CCNB3: variants seen among roughly 807,000 people sequenced by gnomAD.
CCNB3 encodes G2/mitotic-specific cyclin-B3.
A neutral mutation model predicts 68.0 loss-of-function variants in CCNB3; 12 were observed. The ratio of observed to expected loss-of-function variants is 0.18; its 90% CI spans 0.11 to 0.29. The LOEUF (loss-of-function observed/expected upper bound fraction) is 0.29. Ranked by LOEUF, CCNB3 falls within the 10% of genes least tolerant of loss-of-function variation. The pLI, the probability that CCNB3 is intolerant of heterozygous loss-of-function variation, is 1.00. For synonymous variants in CCNB3, 354 were observed against 388.9 expected, an observed-to-expected ratio of 0.91 and a Z score of 1.06; for missense variants, 904 against 993.1, an observed-to-expected ratio of 0.91 and a Z score of 1.21.
Position 50,317,486 on chromosome X carries a change from A to C in CCNB3, c.3516+3538A>C, listed in dbSNP as rs192092312. Among the ~76,000 whole-genome samples the C allele has an allele frequency of 6.8e-3, 760 of 111,014 alleles. 18 individuals are homozygous for C. The highest frequency in any genetic ancestry group is 0.055 in the Admixed American group (567 of 10,367). On this transcript the variant is annotated intron_variant, in intron 8 of 12. Coordinates refer to ENST00000376042, the MANE Select transcript of CCNB3 (RefSeq NM_033031.3). ...TTCTAAGGACTCTTTGCCTAAACCT[A>C]GGTCAGGAATATTCTGTCTCTCTCT...
At position 50,350,617 on chromosome X, in the gene CCNB3, G is replaced by A. The variant is rs1569543746; in HGVS notation, c.3961-624G>A. Among the ~76,000 whole-genome samples the A allele has an allele frequency of 1.8e-5, 2 of 111,215 alleles. 1 individual carries two copies. The highest frequency in any genetic ancestry group is 1.9e-4 in the Admixed American group (2 of 10,437). ...GGCCATTAGCTCTGGACCTGAGAGT[G>A]AGCAAATTACAAAATCAGTCCCGTT... On this transcript the variant is annotated intron_variant, in intron 11 of 12. Coordinates refer to ENST00000376042, the MANE Select transcript of CCNB3 (RefSeq NM_033031.3).
chrX:50,286,498 C>T (rs1936237686), intron 3 of CCNB3, among the ~76,000 whole-genome samples: 1 of 110,547 alleles, frequency 9.0e-6, no homozygotes, highest in African/African-American at 3.3e-5. Context: ...CGGGGTTTCA[C>T]CATCTTGGCC....
chrX:50,311,183 A>G lies in CCNB3; in HGVS notation c.3014A>G (p.Glu1005Gly), dbSNP rs28676910. ...GTGGGCAAATCTGGTACCATCAATGAGGCATTCCTCTTCGAAGATATGATA... is the reference window on the plus strand; with the variant it reads ...GTGGGCAAATCTGGTACCATCAATGGGGCATTCCTCTTCGAAGATATGATA... ...TSVGKSGTIN[E>G]AFLFEDMITL... is the part of the protein sequence containing the mutation. The change falls in exon 6 of 13, where the codon GAG becomes GGG. Residue 1005 changes from glutamate to glycine, a missense_variant. Glu to Gly is a moderately conservative substitution (Grantham distance 98). Around this residue, in one of 2 missense-constraint regions of CCNB3, gnomAD observed 285 missense variants for 383.4 expected, o/e 0.74. Transcript: ENST00000376042. 8.3e-7 allele frequency: 1 copy of G among 1,208,368 alleles called. No homozygotes were observed.
At chrX:50,286,645 G>GTTGT (rs1218534550) in intron 3 of CCNB3, among the ~76,000 whole-genome samples, 5 of 86,773 alleles carry the variant, frequency 5.8e-5, no homozygotes, top group Non-Finnish European at 1.1e-4. Context: ...TGTTGTTGTT[G>GTTGT]TTGTTTGTTT....
chrX:50,297,903 G>A (rs1375018970), intron 5 of CCNB3, among the ~76,000 whole-genome samples: 1 of 111,408 alleles, frequency 9.0e-6, no homozygotes, highest in Non-Finnish European at 1.9e-5. Flanking sequence ...ATTGTGAATG[G>A]GAGTTCACTC....
chrX:50,334,705 C>T (rs782310868), intron 8 of CCNB3, among the ~76,000 whole-genome samples: 7 of 111,970 alleles, frequency 6.3e-5, no homozygotes, highest in African/African-American at 9.7e-5. Flanking sequence ...GACTGGGGGC[C>T]GACATAAGTT....
At chrX:50,205,476 G>A (rs1935340989) in intron 1 of CCNB3, among the ~76,000 whole-genome samples, 1 of 110,165 alleles carries the variant, frequency 9.1e-6, no homozygotes, top group Admixed American at 9.6e-5. Context: ...CAGTTACTTG[G>A]TGACAAAATG....
At chrX:50,320,559 C>G (rs1921962875) in intron 8 of CCNB3, among the ~76,000 whole-genome samples, 1 of 109,678 alleles carries the variant, frequency 9.1e-6, no homozygotes, top group African/African-American at 3.3e-5. Flanking sequence ...CTTTATTTTT[C>G]TGTTTTTAGT....
At chrX:50,330,443 T>C (rs1922540367) in intron 8 of CCNB3, among the ~76,000 whole-genome samples, 2 of 111,518 alleles carry the variant, frequency 1.8e-5, no homozygotes, top group Admixed American at 1.9e-4. Flanking sequence ...ATATGAGGGG[T>C]AGTCTCCTCC....
intron 8 of CCNB3, among the ~76,000 whole-genome samples, chrX:50,328,772 C>T (rs1279945181): frequency 8.9e-6 from 1 of 111,755 alleles, no homozygotes; most frequent in African/African-American, 3.3e-5. Context: ...ACCTATGAAC[C>T]TATAAAATCA....
At position 50,330,365 on chromosome X, in the gene CCNB3, T is replaced by C. The variant is rs782540821; in HGVS notation, c.3517-11837T>C. 3.6e-5 allele frequency among the ~76,000 whole-genome samples: 4 copies of C among 112,024 alleles called. No individual in the cohort carries two copies. In the South Asian group the frequency reaches 1.5e-3, roughly 43 times the overall value. On this transcript the variant is annotated intron_variant, in intron 8 of 12. Coordinates refer to ENST00000376042, the MANE Select transcript of CCNB3 (RefSeq NM_033031.3). ...GCCTGGAATGCAGCGCCAGACTGTC[T>C]GACTACTGATTTCACTTCTGCCTTT...
intron 1 of CCNB3, among the ~76,000 whole-genome samples, chrX:50,211,853 A>G (rs1279229495): frequency 2.6e-3 from 295 of 112,071 alleles, no homozygotes; most frequent in African/African-American, 9.4e-3. Context: ...CCCCATCCTA[A>G]AAACTGCATT....
intron 8 of CCNB3, among the ~76,000 whole-genome samples, chrX:50,326,408 C>G (rs1469229903): frequency 1.8e-5 from 2 of 111,878 alleles, no homozygotes; most frequent in African/African-American, 6.5e-5. Context: ...ATTTCTTTGA[C>G]TCAGATAAAT....
intron 11 of CCNB3, among the ~76,000 whole-genome samples, chrX:50,349,331 G>T (rs1373614088): frequency 8.9e-6 from 1 of 112,476 alleles, no homozygotes; most frequent in Non-Finnish European, 1.9e-5. Context: ...GATGAGACCA[G>T]AATGGTAGAT....
rs782783590 is a variant in CCNB3 at position 50,311,403 on chromosome X, C to T, written c.3234C>T (p.Ser1078=). Residue 1078 remains serine (S), a synonymous_variant, in exon 6 of 13, where the codon AGC becomes AGT. Transcript: ENST00000376042. ...TEKSSIATMT[S]VGKSRTTTES... is the part of the protein sequence containing the mutation. ...AGTCCAGCATTGCAACCATGACCAG[C>T]GTGGGCAAGTCCAGGACCACCACCG... The T allele has an allele frequency of 8.3e-6, 10 of 1,208,126 alleles. No homozygotes were observed. The East Asian group carries it at 1.5e-4, about 18-fold the overall frequency.
At chrX:50,279,934 GTATT>G (rs1364694209) in intron 1 of CCNB3, among the ~76,000 whole-genome samples, 1 of 80,754 alleles carries the variant, frequency 1.2e-5, no homozygotes, top group African/African-American at 4.9e-5. Flanking sequence ...GAATAAATAT[GTATT>G]TATAATATAT....
At position 50,349,158 on chromosome X, in the gene CCNB3, G is replaced by A. The variant is rs180712380; in HGVS notation, c.3960+1383G>A. 9.9e-4 allele frequency among the ~76,000 whole-genome samples: 111 copies of A among 112,373 alleles called. 3 individuals are homozygous for A. In the East Asian group the frequency reaches 0.02, roughly 20 times the overall value. The stretch of plus-strand genomic sequence containing the variant: ...GAGCTGGGTCTTGAAACGTATGCAG[G>A]AACTTGTGAGAGGAGACATTCTAGG... On this transcript the variant is annotated intron_variant, in intron 11 of 12. Transcript: ENST00000376042.
intron 1 of CCNB3, among the ~76,000 whole-genome samples, chrX:50,226,233 A>ATTTATATATATAGAATATATAT (rs1935776750): frequency 2.8e-4 from 19 of 67,548 alleles, no homozygotes; most frequent in Non-Finnish European, 4.7e-4. Context: ...GAATATATAT[A>ATTTATATATATAGAATATATAT]TTTATATATA....
At chrX:50,280,941 T>C (rs1035276135) in intron 1 of CCNB3, among the ~76,000 whole-genome samples, 2 of 109,387 alleles carry the variant, frequency 1.8e-5, no homozygotes, top group Non-Finnish European at 3.8e-5. Context: ...TTGTATCTTT[T>C]GTAGAGATGG....
Sources: gnomAD v4.1 joint callset for allele counts (sites outside exome capture counted in the v4.1 genomes callset) on GRCh38, gnomAD v4.1.1 for gene constraint, gnomAD v4.1.1 regional missense constraint, MANE v1.5 for transcripts, NCBI Gene and HGNC (gene_info 2026-07-23, HGNC 2026-07-21) for gene names.